The following CDH17 variants were observed in gnomAD, a reference collection of about 807,000 sequenced individuals.
CDH17 encodes the protein cadherin 17, also known as cadherin-17.
A neutral mutation model predicts 86.3 loss-of-function variants in CDH17; 67 were observed. The ratio of observed to expected loss-of-function variants is 0.78; its 90% confidence interval spans 0.64 to 0.95. The LOEUF (loss-of-function observed/expected upper bound fraction) is 0.95, where lower values mean the gene tolerates loss of function less well. Among genes scored for constraint, CDH17 ranks in the 40% least tolerant of loss-of-function variants. The probability of loss-of-function intolerance (pLI) is 0.00; values close to 1 mark genes in which losing one functional copy is unlikely to be tolerated. For synonymous variants in CDH17, 367 were observed against 366.4 expected (o/e 1.00, Z -0.02); for missense variants, 993 against 1,017.6 (o/e 0.98, Z 0.33).
chr8:94,204,027 G>C (rs999083538), intron 1 of CDH17, among the ~76,000 whole-genome samples: 25 of 152,244 alleles, frequency 1.6e-4, no homozygotes, highest in African/African-American at 5.5e-4. Flanking sequence ...CTCACGGGAG[G>C]CTAAATGGTC....
At chr8:94,140,345 G>A (rs150940525) in intron 15 of CDH17, among the ~76,000 whole-genome samples, 2,894 of 152,072 alleles carry the variant, frequency 0.019, 60 homozygotes, top group Middle Eastern at 0.031. Context: ...CAGGAGGATC[G>A]TCTGAGCCCA....
At chr8:94,151,173 T>G (rs1416844531) in intron 13 of CDH17, among the ~76,000 whole-genome samples, 2 of 152,230 alleles carry the variant, frequency 1.3e-5, no homozygotes, top group Non-Finnish European at 2.9e-5. Context: ...AGTTCAAGTC[T>G]TAACTACATG....
intron 12 of CDH17, among the ~76,000 whole-genome samples, chr8:94,157,150 T>G (rs934342086): frequency 1.3e-5 from 2 of 152,236 alleles, no homozygotes; most frequent in African/African-American, 2.4e-5. Flanking sequence ...AGTCCCTCAG[T>G]GAATTTTACC....
At position 94,148,826 on chromosome 8, in the gene CDH17, C is replaced by A; in HGVS notation, c.1845G>T (p.Val615=). 1 of 1,608,534 alleles carries A rather than the reference C, an allele frequency of 6.2e-7. No homozygotes were observed. Among genetic ancestry groups the A allele is most frequent in the African/African-American group, 1.3e-5 (1 of 74,180 alleles). The change falls in exon 14 of 18, where the codon GTG becomes GTT. Residue 615 remains valine (V), a synonymous_variant. Coordinates refer to ENST00000027335, the MANE Select transcript of CDH17 (RefSeq NM_004063.4). The stretch of plus-strand genomic sequence containing the variant: ...GAGCCACACTAAAGATCTCACCAGT[C>A]ACGTGGTCAATTTTAAGCCAACCTC... ...DTRGWLKIDH[V]TGEIFSVAPL... is the part of the protein sequence containing the mutation.
At chr8:94,136,751 G>T (rs1015452772) in intron 15 of CDH17, among the ~76,000 whole-genome samples, 1 of 152,158 alleles carries the variant, frequency 6.6e-6, no homozygotes, top group Non-Finnish European at 1.5e-5. Context: ...CAGCTTTTCT[G>T]CTCTGGTTTC....
chr8:94,140,619 A>C (rs76400054), intron 15 of CDH17, among the ~76,000 whole-genome samples: 3,228 of 152,266 alleles, frequency 0.021, 101 homozygotes, highest in African/African-American at 0.073. Flanking sequence ...AAAAACAGAA[A>C]AAAAATCAAT....
intron 15 of CDH17, among the ~76,000 whole-genome samples, chr8:94,139,908 A>T (rs1480613741): frequency 1.3e-5 from 2 of 151,810 alleles, no homozygotes; most frequent in African/African-American, 4.8e-5. Flanking sequence ...ATAAATAAAA[A>T]AAAAGGGGGG....
At position 94,127,967 on chromosome 8, in the gene CDH17, C is replaced by G; in HGVS notation, c.*273G>C. On this transcript the variant is annotated 3_prime_UTR_variant, in exon 18 of 18. Transcript: ENST00000027335. ...AATTAGCTGGGCATGGTGGTGGGTG[C>G]CTGTAAACCCAGCTACTTAGGAAGC... The G allele has an allele frequency of 3.2e-6, 1 of 310,608 alleles. No homozygotes were observed. Among genetic ancestry groups the G allele is most frequent in the East Asian group, 7.2e-5 (1 of 13,872 alleles). 19.2% of individuals were successfully genotyped at this position (310,608 alleles called of 1,614,324 possible).
At chr8:94,133,153 CTT>C (rs1563563084) in intron 15 of CDH17, among the ~76,000 whole-genome samples, 1 of 152,096 alleles carries the variant, frequency 6.6e-6, no homozygotes, top group South Asian at 2.1e-4. Context: ...AATGCGGGCT[CTT>C]TTTTGGTTCC....
intron 11 of CDH17, among the ~76,000 whole-genome samples, chr8:94,160,943 C>T (rs765071836): frequency 9.2e-5 from 14 of 152,196 alleles, no homozygotes; most frequent in Non-Finnish European, 1.9e-4. Context: ...AAAGCCTATG[C>T]TCTTGAACAC....
At chr8:94,187,239 A>T (rs1324283208) in intron 3 of CDH17, among the ~76,000 whole-genome samples, 1 of 152,240 alleles carries the variant, frequency 6.6e-6, no homozygotes, top group East Asian at 1.9e-4. Flanking sequence ...TGTCAATTAA[A>T]AATAAACATA....
At chr8:94,158,028 G>A (rs1437082011) in intron 12 of CDH17, among the ~76,000 whole-genome samples, 1 of 152,146 alleles carries the variant, frequency 6.6e-6, no homozygotes, top group Non-Finnish European at 1.5e-5. Context: ...GTTATCACCT[G>A]CCTCTGGATG....
intron 1 of CDH17, among the ~76,000 whole-genome samples, chr8:94,200,821 TTGAC>T (rs1406804667): frequency 6.6e-6 from 1 of 152,056 alleles, no homozygotes; most frequent in Non-Finnish European, 1.5e-5. Context: ...GCAGCAAACA[TTGAC>T]TGAAAACAAT....
intron 3 of CDH17, among the ~76,000 whole-genome samples, chr8:94,182,110 T>C (rs10107715): frequency 0.11 from 16,275 of 152,112 alleles, 1,584 homozygotes; most frequent in African/African-American, 0.26. Context: ...AATAGAACTA[T>C]AACAAGGGAT....
rs1812326258 is a variant in CDH17, at chr8:94,127,556, A to ATGTT, written c.*680_*683dup. Reference sequence around the variant, plus strand: ...TCCTCACGTTTTTCTTCTCTGACAAATGTTTGAAATTCAGTGAAATACCAA... The same window carrying ATGTT: ...TCCTCACGTTTTTCTTCTCTGACAAATGTTTGTTTGAAATTCAGTGAAATACCAA... On this transcript the variant is annotated 3_prime_UTR_variant, in exon 18 of 18. Transcript: ENST00000027335. The ATGTT allele has an allele frequency of 1.3e-5, 2 of 152,204 alleles. No homozygotes were observed. The highest frequency in any genetic ancestry group is 4.8e-5 in the African/African-American group (2 of 41,432). The allele number at this position is 152,204 out of a possible 1,614,324, so 9.4% of individuals were successfully genotyped here. A position where few individuals can be genotyped will look rare whatever the true frequency, so the allele number is the denominator to read the frequency against.
chr8:94,213,334 A>T (rs1814150617), upstream of CDH17, among the ~76,000 whole-genome samples: 1 of 152,178 alleles, frequency 6.6e-6, no homozygotes, highest in South Asian at 2.1e-4. Context: ...TAGCTTAAGG[A>T]ATCATTGCTT....
At position 94,176,552 on chromosome 8, in the gene CDH17, T is replaced by C; in HGVS notation, c.413A>G (p.Asn138Ser). ...QSKYEGSVRQ[N>S]SRPGKPFLYV... ...CCCCTGCCTGTTACCTGGGCGAGAGTTCTGCCTTACTGAGCCTTCGTACTT... is the reference window on the plus strand; with the variant it reads ...CCCCTGCCTGTTACCTGGGCGAGAGCTCTGCCTTACTGAGCCTTCGTACTT... Residue 138 changes from asparagine (N) to serine (S), a missense_variant, in exon 5 of 18, where the codon AAC becomes AGC. Transcript: ENST00000027335. The C allele has an allele frequency of 6.2e-7, 1 of 1,613,692 alleles. No homozygotes were observed. Among genetic ancestry groups the C allele is most frequent in the South Asian group, 1.1e-5 (1 of 91,060 alleles).
chr8:94,134,541 CT>C (rs1201138742), intron 15 of CDH17, among the ~76,000 whole-genome samples: 1 of 152,052 alleles, frequency 6.6e-6, no homozygotes, highest in Non-Finnish European at 1.5e-5. Context: ...TTTGATTCTT[CT>C]CTCTTTTCTT....
At position 94,199,512 on chromosome 8, in the gene CDH17, A is replaced by G. The variant is rs141494000; in HGVS notation, c.-20-4807T>C. The stretch of plus-strand genomic sequence containing the variant: ...CTTCCAGAAAAACACAAGTTAAATG[A>G]TAGAAAAGCAAATAAAAATAAAAGG... On this transcript the variant is annotated intron_variant, in intron 1 of 17. Coordinates refer to ENST00000027335, the MANE Select transcript of CDH17 (RefSeq NM_004063.4). Among the ~76,000 whole-genome samples, 108 of 152,042 alleles carry G rather than the reference A, an allele frequency of 7.1e-4. No homozygotes were observed. The East Asian group carries it at 0.013, about 18-fold the overall frequency.
Sources: gnomAD v4.1 joint callset for allele counts (sites outside exome capture counted in the v4.1 genomes callset) on GRCh38, gnomAD v4.1.1 for gene constraint, MANE v1.5 for transcripts, NCBI Gene and HGNC (gene_info 2026-07-23, HGNC 2026-07-21) for gene names.